RBBP6: variants seen among roughly 807,000 people sequenced by gnomAD.
The protein encoded by RBBP6 is E3 ubiquitin-protein ligase RBBP6.
A neutral mutation model predicts 167.7 loss-of-function variants in RBBP6; 25 were observed. That is an observed-to-expected ratio of 0.15 (90% CI 0.11 to 0.21). RBBP6 has a LOEUF of 0.21. Ranked by LOEUF, RBBP6 falls within the 10% of genes least tolerant of loss-of-function variation. The pLI, the probability that RBBP6 is intolerant of heterozygous loss-of-function variation, is 1.00. For synonymous variants in RBBP6, 789 were observed against 735.8 expected, an observed-to-expected ratio of 1.07 and a Z score of -1.17; for missense variants, 1,868 against 2,134.2, an observed-to-expected ratio of 0.88 and a Z score of 2.46.
chr16:24,563,367 CCT>C, intron 11 of RBBP6, 54 bp from the exon 12 acceptor site: 2 of 1,452,714 alleles, frequency 1.4e-6, no homozygotes, highest in Admixed American at 2.2e-5. Flanking sequence ...TTTGTTCTTA[CCT>C]CTTTTTTTTT....
At chr16:24,562,226 G>T in intron 10 of RBBP6, 65 bp downstream of exon 10, 1 of 1,436,222 alleles carries the variant, frequency 7.0e-7, no homozygotes, top group Non-Finnish European at 9.6e-7. Flanking sequence ...TTTTGTTGTT[G>T]GTTATCACTT....
chr16:24,568,270 A>T (rs1273305831), intron 16 of RBBP6, among the ~76,000 whole-genome samples: 2 of 152,230 alleles, frequency 1.3e-5, no homozygotes, highest in African/African-American at 4.8e-5. Flanking sequence ...ATGAAGTAGT[A>T]GTAGAATACA....
rs1005210176 is a variant in RBBP6, at chr16:24,545,490, ATTCTT to A, written c.167-665_167-661del. Among the ~76,000 whole-genome samples the A allele has an allele frequency of 5.9e-5, 9 of 152,032 alleles. No homozygotes were observed. In the East Asian group the frequency reaches 7.7e-4, roughly 13 times the overall value. On this transcript the variant is annotated intron_variant, in intron 1 of 17. Coordinates refer to ENST00000319715, the MANE Select transcript of RBBP6 (RefSeq NM_006910.5). Reference sequence around the variant, plus strand: ...AGTGTATGGTCTATACCTTTCTGTCATTCTTTTCTTTTATTTTCTTAGGCTCTTCA... The same window carrying A: ...AGTGTATGGTCTATACCTTTCTGTCATTCTTTTATTTTCTTAGGCTCTTCA...
intron 16 of RBBP6, among the ~76,000 whole-genome samples, chr16:24,568,411 AAAAC>A (rs1251234039): frequency 1.3e-5 from 2 of 152,246 alleles, no homozygotes; most frequent in African/African-American, 4.8e-5. Context: ...TATAGGACAA[AAAAC>A]AGACTCCTAC....
intron 7 of RBBP6, among the ~76,000 whole-genome samples, chr16:24,558,070 T>G (rs1898961410): frequency 6.6e-6 from 1 of 152,242 alleles, no homozygotes; most frequent in Non-Finnish European, 1.5e-5. Context: ...CCAAATAACT[T>G]TAGCTTGAAA....
At chr16:24,568,125 A>G (rs1238113955) in intron 16 of RBBP6, among the ~76,000 whole-genome samples, 3 of 152,214 alleles carry the variant, frequency 2.0e-5, no homozygotes, top group African/African-American at 7.2e-5. Context: ...CTTGTCCCTT[A>G]AAGTTATTCA....
At position 24,547,538 on chromosome 16, in the gene RBBP6, C is replaced by T. The variant is rs180925686; in HGVS notation, c.266+1276C>T. On this transcript the variant is annotated intron_variant, in intron 2 of 17. Coordinates refer to ENST00000319715, the MANE Select transcript of RBBP6 (RefSeq NM_006910.5). ...AGTGCAGTGGCACAATCTTGGCTCA[C>T]TGTAGCCTCCGGGCTCAAGCGATTC... is the stretch of plus-strand genomic sequence containing the variant. Among the ~76,000 whole-genome samples the T allele has an allele frequency of 2.4e-3, 370 of 152,298 alleles. 1 individual carries two copies. Among genetic ancestry groups the T allele is most frequent in the African/African-American group, 8.7e-3 (361 of 41,546 alleles).
intron 16 of RBBP6, among the ~76,000 whole-genome samples, chr16:24,568,543 T>A (rs1899247233): frequency 6.6e-6 from 1 of 152,252 alleles, no homozygotes; most frequent in Non-Finnish European, 1.5e-5. Context: ...AGACTTCACT[T>A]TTGTTTTGTA....
chr16:24,572,031 G>A lies in RBBP6; in HGVS notation c.4965G>A (p.Glu1655=), dbSNP rs746417081. The change falls in exon 18 of 18, where the codon GAG becomes GAA. Residue 1655 remains glutamate, a synonymous_variant. Coordinates refer to ENST00000319715, the MANE Select transcript of RBBP6 (RefSeq NM_006910.5). ...AAAGTAATGTTTCTGTAAAAGAAGA[G>A]GAATCTTCAGGAAACATTTCTAAGG... ...DSESNVSVKE[E]ESSGNISKDL... 4 of 1,614,046 alleles carry A rather than the reference G, an allele frequency of 2.5e-6. No homozygotes were observed. The highest frequency in any genetic ancestry group is 1.1e-5 in the South Asian group (1 of 91,078).
In RBBP6 at chr16:24,570,431, C is replaced by T. The variant is rs1296752162; in HGVS notation, c.3741C>T (p.Val1247=). 5 of 1,608,554 alleles carry T rather than the reference C, an allele frequency of 3.1e-6. No individual in the cohort carries two copies. The highest frequency in any genetic ancestry group is 1.7e-5 in the Admixed American group (1 of 58,568). Residue 1247 remains valine, a synonymous_variant, in exon 17 of 18, where the codon GTC becomes GTT. Transcript: ENST00000319715. ...CTAGCAAAGTTAAACAAGAAAAAGT[C>T]AAAGGAAAGGTCAGACGAAAAGTGA... ...STSSKVKQEK[V]KGKVRRKVTG...
In RBBP6 at chr16:24,555,681, G is replaced by A; in HGVS notation, c.415G>A (p.Gly139Ser). The change falls in exon 5 of 18, where the codon GGC becomes AGC. Residue 139 changes from glycine (G) to serine (S), a missense_variant. Around this residue, in one of 7 missense-constraint regions of RBBP6, gnomAD observed 184 missense variants for 327.7 expected, o/e 0.56. Transcript: ENST00000319715. ...AATTAAAGCAATGATGTCGCAATCT[G>A]GCCATGAATACGACCCAATCAAGTA... ...DKIKAMMSQS[G>S]HEYDPINYMK... 1 of 1,613,646 alleles carries A rather than the reference G, an allele frequency of 6.2e-7. No homozygotes were observed. The highest frequency in any genetic ancestry group is 1.1e-5 in the South Asian group (1 of 90,990).
intron 3 of RBBP6, among the ~76,000 whole-genome samples, chr16:24,549,656 C>G (rs1263162550): frequency 6.6e-6 from 1 of 151,900 alleles, no homozygotes; most frequent in Admixed American, 6.6e-5. Flanking sequence ...AAACCTGAAC[C>G]TGGGGCCCCC....
chr16:24,545,086 AGTC>A (rs1453228296), intron 1 of RBBP6, among the ~76,000 whole-genome samples: 1 of 152,022 alleles, frequency 6.6e-6, no homozygotes, highest in East Asian at 1.9e-4. Flanking sequence ...GTGCCACAGT[AGTC>A]TTTTTTTGAG....
At chr16:24,546,689 G>A (rs184426583) in intron 2 of RBBP6, among the ~76,000 whole-genome samples, 3 of 152,246 alleles carry the variant, frequency 2.0e-5, no homozygotes, top group Admixed American at 6.5e-5. Context: ...TCAATAAGGG[G>A]CTTTGGCTGA....
intron 1 of RBBP6, among the ~76,000 whole-genome samples, chr16:24,544,071 C>T (rs1898573217): frequency 6.6e-6 from 1 of 152,134 alleles, no homozygotes; most frequent in African/African-American, 2.4e-5. Context: ...TCAGTTAGAA[C>T]ATCTGTTTTG....
rs1324020628 is a variant in RBBP6 at position 24,569,742 on chromosome 16, A to C, written c.3052A>C (p.Lys1018Gln). 4 of 1,614,044 alleles carry C rather than the reference A, an allele frequency of 2.5e-6. No homozygotes were observed. The Admixed American group carries it at 5.0e-5, about 20-fold the overall frequency. Residue 1018 changes from lysine (K) to glutamine (Q), a missense_variant, in exon 17 of 18, where the codon AAA becomes CAA. By Grantham distance (53) the Lys-to-Gln change is moderately conservative (BLOSUM62 1). Around this residue, in one of 7 missense-constraint regions of RBBP6, gnomAD observed 673 missense variants for 691.5 expected, o/e 0.97. Coordinates refer to ENST00000319715, the MANE Select transcript of RBBP6 (RefSeq NM_006910.5). ...ERDKPKAKGD[K>Q]TKRKNDGSAV... ...GGATAAACCAAAAGCAAAGGGTGAT[A>C]AAACCAAACGGAAGAATGATGGATC...
Position 24,571,251 on chromosome 16 carries a change from T to A in RBBP6, c.4185T>A (p.Ser1395=), listed in dbSNP as rs371440116. 1.1e-5 allele frequency: 17 copies of A among 1,612,442 alleles called. No individual in the cohort carries two copies. The highest frequency in any genetic ancestry group is 1.4e-5 in the Non-Finnish European group (17 of 1,179,666). Residue 1395 remains serine, a synonymous_variant, in exon 18 of 18, where the codon TCT becomes TCA. Coordinates refer to ENST00000319715, the MANE Select transcript of RBBP6 (RefSeq NM_006910.5). The part of the protein sequence containing the change: ...IQHEVKSSKN[S]ASSEKGKTKD... ...ATGAGGTTAAAAGTTCAAAAAACTC[T>A]GCATCTAGTGAAAAAGGGAAAACCA...
In RBBP6 at chr16:24,572,400, G is replaced by A. The variant is rs765407923; in HGVS notation, c.5334G>A (p.Lys1778=). Residue 1778 remains lysine (K), a synonymous_variant, in exon 18 of 18, where the codon AAG becomes AAA. Transcript: ENST00000319715. ...CAAAGAAGAACAAAGATAAAGAGAA[G>A]GAGAAGGAGAAAGATGACCAAAAAG... ...KKSKKNKDKE[K]EKEKDDQKVK... 168 of 1,538,712 alleles carry A rather than the reference G, an allele frequency of 1.1e-4. No individual in the cohort carries two copies. Among genetic ancestry groups the A allele is most frequent in the Non-Finnish European group, 1.4e-4 (162 of 1,143,678 alleles).
At position 24,569,529 on chromosome 16, in the gene RBBP6, GGTT is replaced by G; in HGVS notation, c.2840_2842del (p.Gly947_Phe948delinsVal). ...AAGAAGAAAAGGGGAGGAAAGTGAG[GGTT>G]TTCTGAACCCAGAGTTATTAGAGAC... On this transcript the variant is annotated inframe_deletion, in exon 17 of 18. Coordinates refer to ENST00000319715, the MANE Select transcript of RBBP6 (RefSeq NM_006910.5). 6.2e-7 allele frequency: 1 copy of G among 1,608,762 alleles called. No individual in the cohort carries two copies. Among genetic ancestry groups the G allele is most frequent in the Non-Finnish European group, 8.5e-7 (1 of 1,177,752 alleles).
Sources: gnomAD v4.1 joint callset for allele counts (sites outside exome capture counted in the v4.1 genomes callset) on GRCh38, gnomAD v4.1.1 for gene constraint, gnomAD v4.1.1 regional missense constraint, MANE v1.5 for transcripts, NCBI Gene and HGNC (gene_info 2026-07-23, HGNC 2026-07-21) for gene names.